Variants in SDK1 observed in about 807,000 individuals in gnomAD.
SDK1 encodes sidekick cell adhesion molecule 1, also known as protein sidekick-1.
SDK1 carries 157 observed loss-of-function variants against 245.5 expected under a neutral mutation model. That is an observed-to-expected ratio of 0.64 (90% CI 0.56 to 0.73). The LOEUF (loss-of-function observed/expected upper bound fraction) is 0.73. Ranked by LOEUF, SDK1 falls within the 30% of genes least tolerant of loss-of-function variation. SDK1 has a pLI of 0.00. For synonymous variants in SDK1, 1,647 were observed against 1,278.5 expected (o/e 1.29, Z -6.15); for missense variants, 3,583 against 3,002.3 (o/e 1.19, Z -4.52).
Position 4,268,818 on chromosome 7 carries a change from G to A in SDK1, c.*3434G>A, listed in dbSNP as rs1014071371. ...GAGCTGAGCCTGCCCGCTGGGACAC[G>A]TCTCCTTCCCGCGTCACCTTCTGGT... On this transcript the variant is annotated 3_prime_UTR_variant, in exon 45 of 45. Coordinates refer to ENST00000404826, the MANE Select transcript of SDK1 (RefSeq NM_152744.4). 17 of 1,168,110 alleles carry A rather than the reference G, an allele frequency of 1.5e-5. No homozygotes were observed. Among genetic ancestry groups the A allele is most frequent in the Middle Eastern group, 2.4e-4 (1 of 4,204 alleles). The allele number at this position is 1,168,110 out of a possible 1,614,324, so 72.4% of individuals were successfully genotyped here.
intron 4 of SDK1, among the ~76,000 whole-genome samples, chr7:3,776,950 G>A (rs1270363458): frequency 5.3e-5 from 8 of 152,150 alleles, no homozygotes. Flanking sequence ...CACGGACTGT[G>A]ATCCAGGAAG....
intron 4 of SDK1, among the ~76,000 whole-genome samples, chr7:3,779,653 C>G (rs1009341751): frequency 3.3e-5 from 5 of 152,102 alleles, no homozygotes; most frequent in African/African-American, 1.2e-4. Flanking sequence ...GATGATGAGT[C>G]CGGGCGCGGT....
intron 41 of SDK1, among the ~76,000 whole-genome samples, chr7:4,237,106 G>C (rs1007277994): frequency 6.6e-6 from 1 of 151,992 alleles, no homozygotes; most frequent in African/African-American, 2.4e-5. Flanking sequence ...TGCCCAGGCT[G>C]GTCTTGAACT....
At chr7:3,947,150 A>AGCAT (rs1343426722) in intron 5 of SDK1, among the ~76,000 whole-genome samples, 1 of 152,116 alleles carries the variant, frequency 6.6e-6, no homozygotes, top group Non-Finnish European at 1.5e-5. Context: ...TATATACATG[A>AGCAT]GCATGCATGC....
At chr7:4,111,233 C>T (rs1336999443) in intron 23 of SDK1, among the ~76,000 whole-genome samples, 1 of 152,184 alleles carries the variant, frequency 6.6e-6, no homozygotes. Flanking sequence ...TGCCATTTAA[C>T]CTTTAGCTTC....
intron 22 of SDK1, 64 bp downstream of exon 22, chr7:4,079,648 G>A (rs1011591943): frequency 6.3e-7 from 1 of 1,597,718 alleles, no homozygotes; most frequent in Non-Finnish European, 8.6e-7. Context: ...CTGTGAATGA[G>A]TGGTACCCCT....
chr7:3,430,923 TG>T (rs1318954463), intron 1 of SDK1, among the ~76,000 whole-genome samples: 2 of 152,198 alleles, frequency 1.3e-5, no homozygotes, highest in Non-Finnish European at 2.9e-5. Context: ...TGTTTTGAGA[TG>T]GAATCTCGCT....
intron 22 of SDK1, among the ~76,000 whole-genome samples, chr7:4,108,036 T>G (rs10249233): frequency 2.6e-5 from 4 of 152,076 alleles, no homozygotes; most frequent in African/African-American, 9.6e-5. Context: ...ATCGCACGGC[T>G]CCTCTCCACT....
intron 19 of SDK1, among the ~76,000 whole-genome samples, chr7:4,064,806 A>G (rs1779764214): frequency 6.6e-6 from 1 of 152,176 alleles, no homozygotes; most frequent in African/African-American, 2.4e-5. Flanking sequence ...CCTCAGGAAA[A>G]CAAATATCAC....
chr7:3,615,394 A>G (rs143208251), intron 1 of SDK1, among the ~76,000 whole-genome samples: 1 of 151,780 alleles, frequency 6.6e-6, no homozygotes, highest in East Asian at 1.9e-4. Context: ...TGCAGTTGAT[A>G]TACAGCTTAA....
Position 4,158,439 on chromosome 7 carries a change from A to C in SDK1, c.4626-9A>C. 1 of 1,610,230 alleles carries C rather than the reference A, an allele frequency of 6.2e-7. No individual in the cohort carries two copies. Among genetic ancestry groups the C allele is most frequent in the Non-Finnish European group, 8.5e-7 (1 of 1,177,352 alleles). On this transcript the variant is annotated splice_polypyrimidine_tract_variant and intron_variant, in intron 30 of 44. Transcript: ENST00000404826. ...GGCCCCGGCAGTCACGGTCTCTTCC[A>C]CATTGCAGACTGAGGCCCTTCACCT...
intron 4 of SDK1, among the ~76,000 whole-genome samples, chr7:3,691,212 G>A (rs548319449): frequency 6.6e-6 from 1 of 152,034 alleles, no homozygotes; most frequent in Admixed American, 6.6e-5. Context: ...CTGGACTTTA[G>A]ATTTGCAAGA....
At chr7:3,363,435 A>G (rs74515668) in intron 1 of SDK1, among the ~76,000 whole-genome samples, 1,565 of 152,010 alleles carry the variant, frequency 0.01, 30 homozygotes, top group African/African-American at 0.035. Flanking sequence ...ACATTTGTCT[A>G]TAGATTTTAT....
chr7:3,552,828 T>C (rs1302382166), intron 1 of SDK1, among the ~76,000 whole-genome samples: 3 of 152,228 alleles, frequency 2.0e-5, no homozygotes, highest in Non-Finnish European at 4.4e-5. Flanking sequence ...TTTACTCTGA[T>C]GTTCAATAAA....
chr7:3,570,225 G>A (rs191302036), intron 1 of SDK1, among the ~76,000 whole-genome samples: 57 of 152,252 alleles, frequency 3.7e-4, no homozygotes, highest in Non-Finnish European at 7.4e-5. Context: ...AGCCCAGTGG[G>A]CAGGGAGGTG....
chr7:3,479,804 G>A (rs1459764328), intron 1 of SDK1, among the ~76,000 whole-genome samples: 2 of 151,576 alleles, frequency 1.3e-5, no homozygotes, highest in East Asian at 1.9e-4. Context: ...AGAGGTTGAA[G>A]TGAGCCAAGA....
rs755277273 is a variant in SDK1 at position 4,233,260 on chromosome 7, G to A, written c.5833G>A (p.Gly1945Ser). ...YVIEARPSDE[G>S]LWDMFVKDIP... ...CCTCCCCATCCCTCTTGCAGATGAA[G>A]GCTTATGGGACATGTTTGTGAAGGA... Residue 1945 changes from glycine (G) to serine (S), a missense_variant, in exon 41 of 45, where the codon GGC (glycine) becomes AGC (serine). By Grantham distance (56) the Gly-to-Ser change is moderately conservative (BLOSUM62 0). Coordinates refer to ENST00000404826, the MANE Select transcript of SDK1 (RefSeq NM_152744.4). The A allele has an allele frequency of 8.7e-6, 14 of 1,613,010 alleles. No homozygotes were observed. The highest frequency in any genetic ancestry group is 1.1e-5 in the Non-Finnish European group (13 of 1,179,652).
At chr7:4,172,436 A>G (rs560957335) in intron 32 of SDK1, among the ~76,000 whole-genome samples, 1 of 152,258 alleles carries the variant, frequency 6.6e-6, no homozygotes, top group East Asian at 1.9e-4. Context: ...GAGCCTGGGG[A>G]GCAAAGAACA....
At chr7:3,898,225 A>G (rs541081884) in intron 5 of SDK1, among the ~76,000 whole-genome samples, 1 of 152,324 alleles carries the variant, frequency 6.6e-6, no homozygotes, top group African/African-American at 2.4e-5. Context: ...GAATCTGGAA[A>G]GTCTTCATTG....
Sources: gnomAD v4.1 joint callset for allele counts (sites outside exome capture counted in the v4.1 genomes callset) on GRCh38, gnomAD v4.1.1 for gene constraint, MANE v1.5 for transcripts, NCBI Gene and HGNC (gene_info 2026-07-23, HGNC 2026-07-21) for gene names.